Variants in RIC1 observed in about 807,000 individuals in gnomAD.
RIC1 encodes RIC1 partner of RAB6A GEF complex, also known as guanine nucleotide exchange factor subunit RIC1.
In RIC1, 88 loss-of-function variants were observed where a neutral mutation model predicts 169.0. The observed-to-expected ratio is 0.52, with a 90% CI of 0.44 to 0.62. RIC1 has a LOEUF of 0.62. RIC1 is among the 20% of genes least tolerant of loss of function. RIC1 has a pLI of 0.00. For synonymous variants in RIC1, 790 were observed against 601.5 expected (o/e 1.31, Z -4.59); for missense variants, 1,877 against 1,725.5 (o/e 1.09, Z -1.56).
At chr9:5,690,100 A>G (rs1055178571) in intron 3 of RIC1, 62 bp downstream of exon 3, 23 of 1,184,110 alleles carry the variant, frequency 1.9e-5, no homozygotes, top group African/African-American at 9.4e-5. Flanking sequence ...TCAGAAAAAC[A>G]TTACAGTTTT....
chr9:5,667,082 T>C (rs1489832122), intron 2 of RIC1, among the ~76,000 whole-genome samples: 2 of 152,178 alleles, frequency 1.3e-5, no homozygotes, highest in Non-Finnish European at 2.9e-5. Context: ...CCCAGCACTT[T>C]GGGAAGCTGA....
At chr9:5,641,843 T>C (rs1818265995) in intron 1 of RIC1, among the ~76,000 whole-genome samples, 1 of 144,538 alleles carries the variant, frequency 6.9e-6, no homozygotes, top group Non-Finnish European at 1.5e-5. Context: ...TCAATTTCTT[T>C]GACTTTCCTC....
intron 7 of RIC1, among the ~76,000 whole-genome samples, chr9:5,736,257 G>A (rs562444380): frequency 6.1e-4 from 93 of 152,288 alleles, no homozygotes; most frequent in African/African-American, 2.1e-3. Flanking sequence ...AGGTAGTCTG[G>A]AAAGAAATCT....
At chr9:5,754,352 A>G (rs1191898214) in intron 14 of RIC1, among the ~76,000 whole-genome samples, 1 of 152,188 alleles carries the variant, frequency 6.6e-6, no homozygotes, top group Non-Finnish European at 1.5e-5. Context: ...AGAAATATTT[A>G]TTTTTATAAA....
Position 5,772,798 on chromosome 9 carries a change from T to A in RIC1, c.3794+57T>A, listed in dbSNP as rs1422319141. The A allele has an allele frequency of 3.2e-6, 5 of 1,556,384 alleles. No individual in the cohort carries two copies. In the East Asian group the frequency reaches 1.1e-4, roughly 35 times the overall value. Reference sequence around the variant, plus strand: ...TGCCTACTCAGAGTATTTGGGCAAATAGGTATGGGGCTACTCTCCTAATAA... The same window carrying A: ...TGCCTACTCAGAGTATTTGGGCAAAAAGGTATGGGGCTACTCTCCTAATAA... On this transcript the variant is annotated intron_variant, in intron 24 of 25. Coordinates refer to ENST00000414202, the MANE Select transcript of RIC1 (RefSeq NM_020829.4).
chr9:5,643,532 GT>G (rs1283989864), intron 1 of RIC1, among the ~76,000 whole-genome samples: 1 of 151,962 alleles, frequency 6.6e-6, no homozygotes, highest in Non-Finnish European at 1.5e-5. Flanking sequence ...GAAAAATATG[GT>G]TTCCTGCCAA....
chr9:5,706,695 A>G (rs916154819), intron 3 of RIC1, among the ~76,000 whole-genome samples: 2 of 152,080 alleles, frequency 1.3e-5, no homozygotes, highest in Admixed American at 6.5e-5. Context: ...GTTTCTAGGA[A>G]TTTGTCCATT....
At chr9:5,680,815 ATTTTTTTTTTTTTTTTT>A (rs66478510) in intron 2 of RIC1, among the ~76,000 whole-genome samples, 1 of 57,738 alleles carries the variant, frequency 1.7e-5, no homozygotes, top group Non-Finnish European at 3.4e-5. Flanking sequence ...GCAGTCATTG[ATTTTTTTTTTTTTTTTT>A]TTTTTTTTTT....
At chr9:5,772,413 T>G in intron 23 of RIC1, 151 bp from the exon 24 acceptor site, 1 of 604,482 alleles carries the variant, frequency 1.7e-6, no homozygotes, top group South Asian at 2.6e-5. Context: ...AAATGTTTTC[T>G]ATGTTCACAT....
At chr9:5,639,960 T>C (rs1351942010) in intron 1 of RIC1, among the ~76,000 whole-genome samples, 1 of 152,216 alleles carries the variant, frequency 6.6e-6, no homozygotes, top group Admixed American at 6.5e-5. Flanking sequence ...TATGCATACC[T>C]TTGTATGTGA....
At position 5,683,390 on chromosome 9, in the gene RIC1, T is replaced by C. The variant is rs538272715; in HGVS notation, c.253-6569T>C. Among the ~76,000 whole-genome samples the C allele has an allele frequency of 2.0e-5, 3 of 152,346 alleles. No homozygotes were observed. In the East Asian group the frequency reaches 5.8e-4, roughly 29 times the overall value. ...GTCAGGACCCTCAGCTGCAGGTCTG[T>C]TGGAGTTTGCTGGAGGTCCACTCCA... On this transcript the variant is annotated intron_variant, in intron 2 of 25. Transcript: ENST00000414202.
At chr9:5,710,883 A>G (rs1460849167) in intron 3 of RIC1, among the ~76,000 whole-genome samples, 2 of 152,170 alleles carry the variant, frequency 1.3e-5, no homozygotes, top group African/African-American at 4.8e-5. Context: ...TATAGAATAA[A>G]AGACAAGAAT....
intron 4 of RIC1, among the ~76,000 whole-genome samples, chr9:5,718,431 T>C (rs979923616): frequency 1.3e-5 from 2 of 152,292 alleles, no homozygotes; most frequent in Non-Finnish European, 1.5e-5. Flanking sequence ...GGAAGGGGTC[T>C]TCCCTGGAGC....
chr9:5,654,629 TC>T (rs1382654956), intron 1 of RIC1, among the ~76,000 whole-genome samples: 4 of 152,202 alleles, frequency 2.6e-5, no homozygotes, highest in African/African-American at 9.6e-5. Flanking sequence ...AACCTGTACC[TC>T]CCAGGTTTAA....
chr9:5,651,403 A>G (rs1014734126), intron 1 of RIC1, among the ~76,000 whole-genome samples: 6 of 151,692 alleles, frequency 4.0e-5, no homozygotes, highest in Admixed American at 1.3e-4. Context: ...CTAGTCAGCT[A>G]TCTTGAAGCC....
Position 5,775,037 on chromosome 9 carries a change from GT to G in RIC1, c.*795del, listed in dbSNP as rs1330511981. ...TAGGGCTTGTATTATAATTTGCAAG[GT>G]TTTAATGCTGGATTCTGCATGTCTA... On this transcript the variant is annotated 3_prime_UTR_variant, in exon 26 of 26. Coordinates refer to ENST00000414202, the MANE Select transcript of RIC1 (RefSeq NM_020829.4). 6.6e-6 allele frequency: 1 copy of G among 152,186 alleles called. No homozygotes were observed. The highest frequency in any genetic ancestry group is 1.5e-5 in the Non-Finnish European group (1 of 68,030). The allele number at this position is 152,186 out of a possible 1,614,324, so 9.4% of individuals were successfully genotyped here.
chr9:5,723,040 A>G (rs1820346105), intron 6 of RIC1, among the ~76,000 whole-genome samples: 3 of 152,260 alleles, frequency 2.0e-5, no homozygotes, highest in African/African-American at 2.4e-5. Flanking sequence ...TCTTTATAGC[A>G]GCATGATTTA....
At chr9:5,631,685 C>CA (rs34448140) in intron 1 of RIC1, among the ~76,000 whole-genome samples, 2,216 of 65,830 alleles carry the variant, frequency 0.034, 36 homozygotes, top group Non-Finnish European at 0.05. Flanking sequence ...GACTCTGTCT[C>CA]AAAAAAAAAA....
chr9:5,682,358 G>A (rs531871279), intron 2 of RIC1, among the ~76,000 whole-genome samples: 1 of 152,010 alleles, frequency 6.6e-6, no homozygotes, highest in Non-Finnish European at 1.5e-5. Context: ...GGCCTGGTGG[G>A]GACAAAATCT....
Sources: gnomAD v4.1 joint callset for allele counts (sites outside exome capture counted in the v4.1 genomes callset) on GRCh38, gnomAD v4.1.1 for gene constraint, MANE v1.5 for transcripts, NCBI Gene and HGNC (gene_info 2026-07-23, HGNC 2026-07-21) for gene names.